The following LRP5 variants were observed in gnomAD, a reference collection of about 807,000 sequenced individuals.
The protein encoded by LRP5 is LDL receptor related protein 5.
LRP5 carries 62 observed loss-of-function variants against 154.1 expected under a neutral mutation model. The ratio of observed to expected loss-of-function variants is 0.40; its 90% CI spans 0.33 to 0.50. The LOEUF is 0.50. LRP5 is among the 20% of genes least tolerant of loss of function. The pLI, the probability that LRP5 is intolerant of heterozygous loss-of-function variation, is 0.55. For missense variants in LRP5, 1,915 were observed against 2,336.7 expected, an observed-to-expected ratio of 0.82 and a Z score of 3.72; for synonymous variants, 966 against 1,011.5, an observed-to-expected ratio of 0.96 and a Z score of 0.85.
At chr11:68,398,301 G>C (rs1405115967) in intron 7 of LRP5, among the ~76,000 whole-genome samples, 3 of 152,174 alleles carry the variant, frequency 2.0e-5, no homozygotes, top group African/African-American at 7.2e-5. Context: ...CACAGCTAGG[G>C]TGGGCTGCTT....
intron 6 of LRP5, among the ~76,000 whole-genome samples, chr11:68,389,616 C>T (rs979802218): frequency 1.3e-5 from 2 of 152,178 alleles, no homozygotes; most frequent in African/African-American, 2.4e-5. Context: ...CGACATTTAC[C>T]GACACTGACA....
At chr11:68,378,837 C>G (rs529179174) in intron 5 of LRP5, among the ~76,000 whole-genome samples, 1 of 152,048 alleles carries the variant, frequency 6.6e-6, no homozygotes, top group South Asian at 2.1e-4. Flanking sequence ...CACTGAAGAT[C>G]AGGAGTTTGA....
In LRP5 at chr11:68,425,098, G is replaced by T. The variant is rs773117749; in HGVS notation, c.3237-4G>T. On this transcript the variant is annotated splice_polypyrimidine_tract_variant and splice_region_variant and intron_variant, in intron 14 of 22. Transcript: ENST00000294304. ...CCCGTCCTTCACCCGCCACCCTCCCGCAGGTACCTGTACTTCACCAACATG... is the reference window on the plus strand; with the variant it reads ...CCCGTCCTTCACCCGCCACCCTCCCTCAGGTACCTGTACTTCACCAACATG... 7 of 1,613,248 alleles carry T rather than the reference G, an allele frequency of 4.3e-6. No homozygotes were observed. In the African/African-American group the frequency reaches 9.3e-5, roughly 22 times the overall value.
At chr11:68,304,435 G>C in the LRP5 span, among the ~76,000 whole-genome samples, 2 of 152,280 alleles carry the variant, frequency 1.3e-5, no homozygotes, top group African/African-American at 4.8e-5. Flanking sequence ...GAAGAAGGCT[G>C]CTGCAGGGGC....
Position 68,404,070 on chromosome 11 carries a change from G to A in LRP5, c.1801+371G>A, listed in dbSNP as rs1173477780. 10 of 438,098 alleles carry A rather than the reference G, an allele frequency of 2.3e-5. No homozygotes were observed. The East Asian group carries it at 4.3e-4, about 19-fold the overall frequency. The allele number at this position is 438,098 out of a possible 1,614,324, so 27.1% of individuals were successfully genotyped here. Reference sequence around the variant, plus strand: ...GAGCCGTGCAACTCACAGGTGCCAAGCTCAGGACTCCCTCCTGGGTCTGCC... The same window carrying A: ...GAGCCGTGCAACTCACAGGTGCCAAACTCAGGACTCCCTCCTGGGTCTGCC... On this transcript the variant is annotated intron_variant, in intron 8 of 22. Transcript: ENST00000294304.
Position 68,406,618 on chromosome 11 carries a change from G to A in LRP5, c.1896G>A (p.Glu632=). The change falls in exon 9 of 23, where the codon GAG becomes GAA. Residue 632 remains glutamate, a synonymous_variant. Transcript: ENST00000294304. The part of the protein sequence containing the change: ...ATRCGCPIGL[E]LLSDMKTCIV... The stretch of plus-strand genomic sequence containing the variant: ...GGTGTGGCTGCCCCATCGGCCTGGA[G>A]CTGCTGAGTGACATGAAGACCTGCA... 6.2e-7 allele frequency: 1 copy of A among 1,614,188 alleles called. No individual in the cohort carries two copies.
At chr11:68,365,245 T>C (rs2098630305) in intron 4 of LRP5, among the ~76,000 whole-genome samples, 1 of 130,092 alleles carries the variant, frequency 7.7e-6, no homozygotes, top group Non-Finnish European at 1.6e-5. Flanking sequence ...GTTCTAGTCA[T>C]AGGAGCTTGG....
chr11:68,425,817 CG>C (rs1397230908), intron 15 of LRP5, among the ~76,000 whole-genome samples, 160 bp from the exon 16 acceptor site: 1 of 152,054 alleles, frequency 6.6e-6, no homozygotes, highest in Non-Finnish European at 1.5e-5. Flanking sequence ...TGTCTTGGGT[CG>C]GCCTGCTTCC....
In LRP5 at chr11:68,394,613, C is replaced by T. The variant is rs374207480; in HGVS notation, c.1584+4561C>T. Among the ~76,000 whole-genome samples, 6 of 152,254 alleles carry T rather than the reference C, an allele frequency of 3.9e-5. No homozygotes were observed. The South Asian group carries it at 6.2e-4, about 16-fold the overall frequency. ...CCCGCGTAGCTGGGACTACAGGCGCCTGCCACCGCGCCCGGCTAATTTTTG... is the reference window on the plus strand; with the variant it reads ...CCCGCGTAGCTGGGACTACAGGCGCTTGCCACCGCGCCCGGCTAATTTTTG... On this transcript the variant is annotated intron_variant, in intron 7 of 22. Transcript: ENST00000294304.
chr11:68,444,809 T>C (rs1218110220), intron 21 of LRP5, among the ~76,000 whole-genome samples: 1 of 151,988 alleles, frequency 6.6e-6, no homozygotes, highest in Non-Finnish European at 1.5e-5. Flanking sequence ...TGGGCAGCTG[T>C]AGGAAGCCCT....
Position 68,448,842 on chromosome 11 carries a change from G to A in LRP5, c.4620G>A (p.Thr1540=), listed in dbSNP as rs369181184. 12 of 1,609,996 alleles carry A rather than the reference G, an allele frequency of 7.5e-6. No individual in the cohort carries two copies. The highest frequency in any genetic ancestry group is 6.7e-5 in the East Asian group (3 of 44,882). The change falls in exon 23 of 23, where the codon ACG becomes ACA. Residue 1540 remains threonine (T), a synonymous_variant. Coordinates refer to ENST00000294304, the MANE Select transcript of LRP5 (RefSeq NM_002335.4). ...PYIIRGMAPP[T]TPCSTDVCDS... ...TCATTCGAGGAATGGCGCCCCCGACGACGCCCTGCAGCACCGACGTGTGTG... is the reference window on the plus strand; with the variant it reads ...TCATTCGAGGAATGGCGCCCCCGACAACGCCCTGCAGCACCGACGTGTGTG...
intron 5 of LRP5, among the ~76,000 whole-genome samples, chr11:68,371,499 G>A (rs1287663793): frequency 6.6e-6 from 1 of 152,192 alleles, no homozygotes; most frequent in African/African-American, 2.4e-5. Context: ...ATTCCTTGCC[G>A]TAAAATATCA....
In LRP5 at chr11:68,433,616, T is replaced by C. The variant is rs1351864148; in HGVS notation, c.3778T>C (p.Ser1260Pro). 3 of 1,613,414 alleles carry C rather than the reference T, an allele frequency of 1.9e-6. No homozygotes were observed. Among genetic ancestry groups the C allele is most frequent in the Non-Finnish European group, 2.5e-6 (3 of 1,179,974 alleles). The change falls in exon 18 of 23, where the codon TCC becomes CCC. Residue 1260 changes from serine (S) to proline (P), a missense_variant. Around this residue, in one of 3 missense-constraint regions of LRP5, gnomAD observed 1,094 missense variants for 1,210.1 expected, o/e 0.90. Transcript: ENST00000294304. ...LLTCGEPPTCSPDQFACATGE... is the reference protein window; with the variant it reads ...LLTCGEPPTCPPDQFACATGE... ...CCCTCCCCCAGAGCCGCCCACCTGC[T>C]CCCCGGACCAGTTTGCATGTGCCAC...
At position 68,406,586 on chromosome 11, in the gene LRP5, G is replaced by A. The variant is rs147792724; in HGVS notation, c.1864G>A (p.Ala622Thr). The A allele has an allele frequency of 1.2e-5, 20 of 1,614,112 alleles. No individual in the cohort carries two copies. Among genetic ancestry groups the A allele is most frequent in the Middle Eastern group, 1.6e-4 (1 of 6,062 alleles). ...CSHLCFFTPHATRCGCPIGLE... is the reference protein window; with the variant it reads ...CSHLCFFTPHTTRCGCPIGLE... ...CCACCTGTGCTTCTTCACACCCCAC[G>A]CAACCCGGTGTGGCTGCCCCATCGG... The change falls in exon 9 of 23, where the codon GCA (alanine) becomes ACA (threonine). Residue 622 changes from alanine to threonine, a missense_variant. Around this residue, in one of 3 missense-constraint regions of LRP5, gnomAD observed 773 missense variants for 1,100.9 expected, o/e 0.70. Transcript: ENST00000294304.
At chr11:68,343,277 G>C (rs528288991) in intron 1 of LRP5, among the ~76,000 whole-genome samples, 2 of 152,318 alleles carry the variant, frequency 1.3e-5, no homozygotes, top group Admixed American at 6.5e-5. Context: ...GTCCCACTCT[G>C]TGCGTGTGTT....
intron 5 of LRP5, among the ~76,000 whole-genome samples, chr11:68,367,125 G>A (rs1402058545): frequency 2.0e-5 from 3 of 152,174 alleles, no homozygotes; most frequent in African/African-American, 7.2e-5. Flanking sequence ...CGTTCACCTC[G>A]GCCTCAAAGG....
chr11:68,407,703 C>T (rs941265770), intron 9 of LRP5, among the ~76,000 whole-genome samples: 9 of 151,516 alleles, frequency 5.9e-5, no homozygotes, highest in East Asian at 2.0e-4. Context: ...AAAAATTAAC[C>T]GGGCATGGCG....
chr11:68,439,675 G>A, intron 20 of LRP5, 102 bp from the exon 21 acceptor site: 1 of 1,269,670 alleles, frequency 7.9e-7, no homozygotes, highest in Non-Finnish European at 1.1e-6. Flanking sequence ...GCCCTGGTCT[G>A]AGTCTCGTGG....
chr11:68,380,888 G>A (rs765828801), intron 5 of LRP5, among the ~76,000 whole-genome samples: 23 of 152,182 alleles, frequency 1.5e-4, no homozygotes, highest in Non-Finnish European at 2.5e-4. Context: ...CTCTGCTCCC[G>A]GCTGGGTACG....
Sources: allele counts gnomAD v4.1 joint callset (sites outside exome capture counted in the v4.1 genomes callset), GRCh38; gene constraint gnomAD v4.1.1; regional missense constraint gnomAD v4.1.1; transcripts MANE v1.5; gene names NCBI Gene and HGNC (gene_info 2026-07-23, HGNC 2026-07-21).